The following EPB41L5 variants were observed in gnomAD, a reference collection of about 807,000 sequenced individuals.
EPB41L5 encodes the protein band 4.1-like protein 5.
Under a neutral mutation model 106.6 loss-of-function variants are expected in EPB41L5, and 55 were observed. The observed-to-expected ratio is 0.52, with a 90% CI of 0.42 to 0.65. The LOEUF is 0.65. EPB41L5 is among the 30% of genes least tolerant of loss of function. The pLI is 0.00. For synonymous variants in EPB41L5, 297 were observed against 306.7 expected, an observed-to-expected ratio of 0.97 and a Z score of 0.33; for missense variants, 871 against 882.1, an observed-to-expected ratio of 0.99 and a Z score of 0.16.
chr2:120,086,656 A>G (rs1683074823), intron 10 of EPB41L5, among the ~76,000 whole-genome samples: 2 of 152,164 alleles, frequency 1.3e-5, no homozygotes, highest in African/African-American at 4.8e-5. Flanking sequence ...CAGGAGGATT[A>G]CTGGAGCCTG....
intron 16 of EPB41L5, among the ~76,000 whole-genome samples, chr2:120,110,104 C>A (rs1684651991): frequency 6.6e-6 from 1 of 152,228 alleles, no homozygotes; most frequent in Non-Finnish European, 1.5e-5. Flanking sequence ...TGCTACTACT[C>A]CACCAAAATA....
chr2:120,013,654 CTT>C (rs1473178018), intron 1 of EPB41L5: 2 of 152,178 alleles, frequency 1.3e-5, no homozygotes, highest in African/African-American at 4.8e-5. Context: ...TTGAGAAAAA[CTT>C]CAGTCTCTTG....
intron 19 of EPB41L5, among the ~76,000 whole-genome samples, chr2:120,143,373 T>C (rs1686267908): frequency 6.6e-6 from 1 of 152,166 alleles, no homozygotes; most frequent in South Asian, 2.1e-4. Context: ...AAGCCTTATT[T>C]CAGTATTAAA....
At chr2:120,027,297 A>C (rs1469586317) in intron 2 of EPB41L5, among the ~76,000 whole-genome samples, 1 of 152,270 alleles carries the variant, frequency 6.6e-6, no homozygotes, top group African/African-American at 2.4e-5. Context: ...CTGGATGCTC[A>C]TCAATAGGTA....
intron 3 of EPB41L5, among the ~76,000 whole-genome samples, chr2:120,048,055 C>T (rs1679933485): frequency 1.3e-5 from 2 of 152,112 alleles, no homozygotes; most frequent in African/African-American, 2.4e-5. Flanking sequence ...CTCCTGGATT[C>T]GGTTTGCCAG....
Position 120,142,964 on chromosome 2 carries a change from G to A in EPB41L5, c.1600-39G>A, listed in dbSNP as rs1574747760. 3 of 1,549,916 alleles carry A rather than the reference G, an allele frequency of 1.9e-6. No homozygotes were observed. In the East Asian group the frequency reaches 6.8e-5, roughly 35 times the overall value. On this transcript the variant is annotated intron_variant, in intron 18 of 24. Coordinates refer to ENST00000263713, the MANE Select transcript of EPB41L5 (RefSeq NM_020909.4). ...TTTCCTATTTCCATATAACTATAGTGCATCAGAGTTGATTATAGTATATTT... is the reference window on the plus strand; with the variant it reads ...TTTCCTATTTCCATATAACTATAGTACATCAGAGTTGATTATAGTATATTT...
chr2:120,060,893 C>T (rs748623844), intron 3 of EPB41L5, among the ~76,000 whole-genome samples: 6 of 151,836 alleles, frequency 4.0e-5, no homozygotes, highest in Non-Finnish European at 7.4e-5. Context: ...CATAATAAAA[C>T]CTTAAAAAAT....
At chr2:120,096,852 A>G (rs1683791772) in intron 14 of EPB41L5, among the ~76,000 whole-genome samples, 2 of 152,114 alleles carry the variant, frequency 1.3e-5, no homozygotes, top group Non-Finnish European at 2.9e-5. Context: ...CTTTGAAGCT[A>G]TTTTGTTTAT....
intron 1 of EPB41L5, chr2:120,013,471 C>T (rs915880319): frequency 3.3e-5 from 5 of 152,146 alleles, no homozygotes; most frequent in African/African-American, 1.2e-4. Flanking sequence ...GGGCGGAGGG[C>T]CCGGGGCAGC....
At chr2:120,136,546 A>G (rs1183374184) in intron 18 of EPB41L5, among the ~76,000 whole-genome samples, 1 of 151,882 alleles carries the variant, frequency 6.6e-6, no homozygotes, top group Non-Finnish European at 1.5e-5. Flanking sequence ...TAAAGACTGA[A>G]AATAAAGGGT....
At chr2:120,098,767 G>A (rs1026618933) in intron 14 of EPB41L5, among the ~76,000 whole-genome samples, 1 of 152,154 alleles carries the variant, frequency 6.6e-6, no homozygotes, top group Non-Finnish European at 1.5e-5. Flanking sequence ...ATTCCCCAGC[G>A]TTTTAGCAGG....
In EPB41L5 at chr2:120,046,354, T is replaced by G. The variant is rs957589464; in HGVS notation, c.285+4244T>G. On this transcript the variant is annotated intron_variant, in intron 3 of 24. Transcript: ENST00000263713. The stretch of plus-strand genomic sequence containing the variant: ...ACTTTTTAATGACGGTCATTCTAAC[T>G]GGTGTGAGATGGTATCTCATTGTGG... Among the ~76,000 whole-genome samples the G allele has an allele frequency of 2.8e-4, 42 of 152,234 alleles. 1 individual carries two copies. The highest frequency in any genetic ancestry group is 8.0e-4 in the African/African-American group (33 of 41,456).
intron 16 of EPB41L5, among the ~76,000 whole-genome samples, chr2:120,122,205 T>C (rs954242473): frequency 2.0e-5 from 3 of 152,200 alleles, no homozygotes; most frequent in Admixed American, 6.5e-5. Context: ...CAGTTTTGGC[T>C]TTTGTTGCCA....
Position 120,176,534 on chromosome 2 carries a change from C to T in EPB41L5, c.*1627C>T, listed in dbSNP as rs1363547065. On this transcript the variant is annotated 3_prime_UTR_variant, in exon 25 of 25. Transcript: ENST00000263713. ...GATTGGAACCCACGTTTGCACAAAA[C>T]ATTTTTGCAGAAGGAAAGTCAACAC... 1 of 152,224 alleles carries T rather than the reference C, an allele frequency of 6.6e-6. No individual in the cohort carries two copies. Among genetic ancestry groups the T allele is most frequent in the East Asian group, 1.9e-4 (1 of 5,198 alleles). 9.4% of individuals were successfully genotyped at this position (152,224 alleles called of 1,614,324 possible). A position where few individuals can be genotyped will look rare whatever the true frequency, so the allele number is the denominator to read the frequency against.
Position 120,066,591 on chromosome 2 carries a change from A to G in EPB41L5, c.286-6587A>G, listed in dbSNP as rs1394746525. ...GTAGGTAAATCTACACACATCCATA[A>G]TGATTTCTAGGTGTAGAATTGCTGG... On this transcript the variant is annotated intron_variant, in intron 3 of 24. Coordinates refer to ENST00000263713, the MANE Select transcript of EPB41L5 (RefSeq NM_020909.4). Among the ~76,000 whole-genome samples, 4 of 152,292 alleles carry G rather than the reference A, an allele frequency of 2.6e-5. No homozygotes were observed. In the East Asian group the frequency reaches 7.7e-4, roughly 29 times the overall value.
At chr2:120,149,892 C>CTTTTT (rs34014223) in intron 20 of EPB41L5, among the ~76,000 whole-genome samples, 8 of 110,908 alleles carry the variant, frequency 7.2e-5, no homozygotes, top group Non-Finnish European at 1.1e-4. Context: ...TTTCACTGTA[C>CTTTTT]TTTTTTTTTT....
At chr2:120,127,897 C>G (rs376272979) in intron 17 of EPB41L5, 46 bp downstream of exon 17, 179 of 1,444,980 alleles carry the variant, frequency 1.2e-4, no homozygotes, top group Non-Finnish European at 1.6e-4. Context: ...TTTTATCTTC[C>G]TTTGAAATAA....
In EPB41L5 at chr2:120,122,638, A is replaced by G. The variant is rs552883233; in HGVS notation, c.1338-5050A>G. Among the ~76,000 whole-genome samples the G allele has an allele frequency of 9.2e-5, 14 of 152,338 alleles. No homozygotes were observed. In the East Asian group the frequency reaches 2.5e-3, roughly 27 times the overall value. On this transcript the variant is annotated intron_variant, in intron 16 of 24. Transcript: ENST00000263713. Reference sequence around the variant, plus strand: ...GCCTCCAGCTTTGTTCTTTTTGCTTAGGATTGTCTTGGCAATGTGGGCTCT... The same window carrying G: ...GCCTCCAGCTTTGTTCTTTTTGCTTGGGATTGTCTTGGCAATGTGGGCTCT...
chr2:120,092,853 C>T (rs1417807021), intron 13 of EPB41L5, among the ~76,000 whole-genome samples: 2 of 152,200 alleles, frequency 1.3e-5, no homozygotes, highest in East Asian at 3.8e-4. Flanking sequence ...GATATATATG[C>T]ATTGTATTGC....
Sources: allele counts gnomAD v4.1 joint callset (sites outside exome capture counted in the v4.1 genomes callset), GRCh38; gene constraint gnomAD v4.1.1; transcripts MANE v1.5; gene names NCBI Gene and HGNC (gene_info 2026-07-23, HGNC 2026-07-21).